ELFN2: variants seen among roughly 807,000 people sequenced by gnomAD.
ELFN2 encodes the protein protein phosphatase 1 regulatory subunit 29.
In ELFN2, 17 loss-of-function variants were observed where a neutral mutation model predicts 45.5. The observed-to-expected ratio is 0.37, with a 90% confidence interval of 0.26 to 0.56. The LOEUF (loss-of-function observed/expected upper bound fraction) is 0.56. Among genes scored for constraint, ELFN2 ranks in the 20% least tolerant of loss-of-function variants. The pLI, the probability that ELFN2 is intolerant of heterozygous loss-of-function variation, is 0.77. For missense variants in ELFN2, 922 were observed against 1,183.2 expected (o/e 0.78, Z 3.24); for synonymous variants, 550 against 551.5 (o/e 1.00, Z 0.04).
At chr22:37,403,292 A>G (rs958162936) in intron 2 of ELFN2, among the ~76,000 whole-genome samples, 1 of 151,820 alleles carries the variant, frequency 6.6e-6, no homozygotes, top group African/African-American at 2.4e-5. Flanking sequence ...GCCCAGAGTG[A>G]AACCCAGCTC....
chr22:37,394,030 G>A (rs578224529), intron 2 of ELFN2, among the ~76,000 whole-genome samples: 5 of 152,294 alleles, frequency 3.3e-5, no homozygotes, highest in Non-Finnish European at 5.9e-5. Flanking sequence ...ACCAGGCTGC[G>A]ACTGATGTCC....
chr22:37,399,457 T>C (rs1372242568), intron 2 of ELFN2, among the ~76,000 whole-genome samples: 3 of 151,780 alleles, frequency 2.0e-5, no homozygotes, highest in Non-Finnish European at 4.4e-5. Flanking sequence ...AGCAAGCAAG[T>C]TGATCAGACC....
At chr22:37,391,795 G>A (rs1242229089) in intron 2 of ELFN2, among the ~76,000 whole-genome samples, 2 of 152,200 alleles carry the variant, frequency 1.3e-5, no homozygotes, top group Non-Finnish European at 2.9e-5. Context: ...GAAATGACCT[G>A]TGCCCAGCCC....
At chr22:37,423,137 G>A (rs114269041) in intron 1 of ELFN2, among the ~76,000 whole-genome samples, 1,936 of 152,204 alleles carry the variant, frequency 0.013, 38 homozygotes, top group African/African-American at 0.045. Flanking sequence ...ACTGTCACCC[G>A]GGGGAGCCCT....
At chr22:37,362,083 C>T (rs1201943110) in intron 1 of ELFN2, among the ~76,000 whole-genome samples, 1 of 152,226 alleles carries the variant, frequency 6.6e-6, no homozygotes, top group Non-Finnish European at 1.5e-5. Context: ...ATGTCCGGGG[C>T]CAACTGGACA....
At chr22:37,345,153 C>T (rs1237210459) in intron 1 of ELFN2, among the ~76,000 whole-genome samples, 9 of 152,252 alleles carry the variant, frequency 5.9e-5, no homozygotes, top group Non-Finnish European at 1.0e-4. Flanking sequence ...TCTGTGAGCA[C>T]CTTTCATCCT....
At chr22:37,352,618 T>C (rs1332694083) in intron 1 of ELFN2, among the ~76,000 whole-genome samples, 1 of 150,324 alleles carries the variant, frequency 6.7e-6, no homozygotes, top group African/African-American at 2.4e-5. Context: ...GTGGCAAAGT[T>C]GGGGTATATA....
At chr22:37,411,453 G>A (rs1273345140) in intron 2 of ELFN2, among the ~76,000 whole-genome samples, 2 of 152,182 alleles carry the variant, frequency 1.3e-5, no homozygotes, top group Non-Finnish European at 2.9e-5. Flanking sequence ...CCCAGCCCTG[G>A]GTGAGGAGGG....
At chr22:37,355,387 T>C (rs953173654) in intron 1 of ELFN2, among the ~76,000 whole-genome samples, 1 of 152,200 alleles carries the variant, frequency 6.6e-6, no homozygotes, top group Non-Finnish European at 1.5e-5. Flanking sequence ...TGATGTCTCA[T>C]TGGCTGAGAC....
intron 1 of ELFN2, among the ~76,000 whole-genome samples, chr22:37,347,559 C>T (rs6000682): frequency 5.4e-4 from 82 of 152,108 alleles, no homozygotes; most frequent in African/African-American, 1.7e-3. Context: ...GGCCTGCAGC[C>T]GCACCCTCCA....
intron 2 of ELFN2, among the ~76,000 whole-genome samples, chr22:37,399,347 C>T (rs1167134430): frequency 6.6e-6 from 1 of 152,134 alleles, no homozygotes; most frequent in Non-Finnish European, 1.5e-5. Context: ...TTCCTGAGGG[C>T]AGGGACTCTT....
At chr22:37,392,318 CT>C (rs1285741986) in intron 2 of ELFN2, among the ~76,000 whole-genome samples, 5,507 of 131,072 alleles carry the variant, frequency 0.042, 239 homozygotes, top group African/African-American at 0.14. Context: ...GTTGGATTCT[CT>C]TTTTTTTTTT....
chr22:37,373,288 T>C lies in ELFN2; in HGVS notation c.2247A>G (p.Arg749=). 6.2e-7 allele frequency: 1 copy of C among 1,613,614 alleles called. No individual in the cohort carries two copies. The highest frequency in any genetic ancestry group is 8.5e-7 in the Non-Finnish European group (1 of 1,179,870). The change falls in exon 3 of 3, where the codon AGA becomes AGG. Residue 749 remains arginine, a synonymous_variant. Coordinates refer to ENST00000402918, the MANE Select transcript of ELFN2 (RefSeq NM_052906.5). ...RDSTYSQLSP[R]HYYSGYSSSP... Reference sequence around the variant, plus strand: ...TGGAGGAGTACCCTGAGTAGTAGTGTCTGGGGGAGAGCTGCGAGTAGGTGG... The same window carrying C: ...TGGAGGAGTACCCTGAGTAGTAGTGCCTGGGGGAGAGCTGCGAGTAGGTGG...
At chr22:37,341,707 G>T (rs111474407) in intron 2 of ELFN2, among the ~76,000 whole-genome samples, 1 of 152,164 alleles carries the variant, frequency 6.6e-6, no homozygotes, top group African/African-American at 2.4e-5. Context: ...CCATCCCTTC[G>T]TTAAGCACCT....
At chr22:37,400,665 C>G (rs967477091) in intron 2 of ELFN2, among the ~76,000 whole-genome samples, 1 of 152,212 alleles carries the variant, frequency 6.6e-6, no homozygotes, top group African/African-American at 2.4e-5. Context: ...CCCTGAGCCC[C>G]TGGAGGGAAG....
chr22:37,394,611 A>C (rs2145663166), intron 2 of ELFN2, among the ~76,000 whole-genome samples: 1 of 152,296 alleles, frequency 6.6e-6, no homozygotes, highest in Middle Eastern at 3.4e-3. Context: ...GCCCCGGCAC[A>C]CAGTAGGCAG....
chr22:37,379,354 C>T (rs560384210), intron 2 of ELFN2, among the ~76,000 whole-genome samples: 3 of 152,184 alleles, frequency 2.0e-5, no homozygotes, highest in South Asian at 2.1e-4. Context: ...AGCTGTGGGG[C>T]GCAGAGGCCT....
intron 2 of ELFN2, among the ~76,000 whole-genome samples, chr22:37,413,255 CT>C (rs1489198507): frequency 6.6e-6 from 1 of 152,116 alleles, no homozygotes; most frequent in African/African-American, 2.4e-5. Context: ...AGAAAATGAC[CT>C]GTCCCAGGCA....
At chr22:37,380,625 G>A (rs1170256645) in intron 2 of ELFN2, among the ~76,000 whole-genome samples, 1 of 152,154 alleles carries the variant, frequency 6.6e-6, no homozygotes, top group Admixed American at 6.5e-5. Flanking sequence ...TCTTCCCTGA[G>A]CCAGGCTGGC....
Sources: gnomAD v4.1 joint callset for allele counts (sites outside exome capture counted in the v4.1 genomes callset) on GRCh38, gnomAD v4.1.1 for gene constraint, MANE v1.5 for transcripts, NCBI Gene and HGNC (gene_info 2026-07-23, HGNC 2026-07-21) for gene names.